The following KIF26B variants were observed in gnomAD, a reference collection of about 807,000 sequenced individuals.
KIF26B encodes the protein kinesin-like protein KIF26B.
Under a neutral mutation model 151.2 loss-of-function variants are expected in KIF26B, and 63 were observed. The observed-to-expected ratio is 0.42, with a 90% CI of 0.34 to 0.51. The LOEUF is 0.51. Among genes scored for constraint, KIF26B ranks in the 20% least tolerant of loss-of-function variants. The pLI is 0.07. For synonymous variants in KIF26B, 1,357 were observed against 1,262.1 expected (o/e 1.08, Z -1.59); for missense variants, 2,813 against 2,913.6 (o/e 0.97, Z 0.79).
Position 245,703,350 on chromosome 1 carries a change from C to T in KIF26B, c.*744C>T, listed in dbSNP as rs2044799000. The T allele has an allele frequency of 6.6e-6, 1 of 152,276 alleles. No individual in the cohort carries two copies. The highest frequency in any genetic ancestry group is 1.5e-5 in the Non-Finnish European group (1 of 68,052). The allele number at this position is 152,276 out of a possible 1,614,324, so 9.4% of individuals were successfully genotyped here. A position where few individuals can be genotyped will look rare whatever the true frequency, so the allele number is the denominator to read the frequency against. On this transcript the variant is annotated 3_prime_UTR_variant, in exon 15 of 15. Transcript: ENST00000407071. ...TTTGGAGCAGCAGGTGACCTCGATG[C>T]CACATCCCAACAAGCAGCGTGGTCA... is the stretch of plus-strand genomic sequence containing the variant.
intron 9 of KIF26B, among the ~76,000 whole-genome samples, chr1:245,624,356 C>T (rs533550877): frequency 3.7e-4 from 56 of 151,880 alleles, no homozygotes; most frequent in African/African-American, 1.4e-3. Flanking sequence ...AATTTCTCAG[C>T]TGTTTCCCAA....
chr1:245,693,401 T>C (rs1387704038), intron 12 of KIF26B, among the ~76,000 whole-genome samples: 1 of 152,196 alleles, frequency 6.6e-6, no homozygotes, highest in Admixed American at 6.5e-5. Context: ...TGCAGGTTAC[T>C]GTTGGATATT....
chr1:245,313,537 A>T (rs1208650757), intron 2 of KIF26B, among the ~76,000 whole-genome samples: 1 of 152,118 alleles, frequency 6.6e-6, no homozygotes, highest in Non-Finnish European at 1.5e-5. Context: ...AGGGGAGAAG[A>T]CCCGGAAATA....
At position 245,234,108 on chromosome 1, in the gene KIF26B, T is replaced by C. The variant is rs12040708; in HGVS notation, c.465+77425T>C. 9.2e-4 allele frequency among the ~76,000 whole-genome samples: 139 copies of C among 151,750 alleles called. 1 individual carries two copies. Among genetic ancestry groups the C allele is most frequent in the African/African-American group, 3.2e-3 (134 of 41,362 alleles). ...CTGAGGCAGGAGAATTGCTTGAACC[T>C]AGGAGGTGGAGGTTGCAGTGAGCCA... On this transcript the variant is annotated intron_variant, in intron 2 of 14. Transcript: ENST00000407071.
At chr1:245,418,160 C>T (rs532297767) in intron 3 of KIF26B, among the ~76,000 whole-genome samples, 5 of 152,264 alleles carry the variant, frequency 3.3e-5, no homozygotes, top group East Asian at 1.9e-4. Flanking sequence ...CCCTGTTCCG[C>T]GGGGACAATA....
At chr1:245,671,033 A>G (rs1558261738) in intron 10 of KIF26B, among the ~76,000 whole-genome samples, 1 of 151,792 alleles carries the variant, frequency 6.6e-6, no homozygotes, top group Non-Finnish European at 1.5e-5. Context: ...CCATCCTTCT[A>G]CTCTCTATGC....
At chr1:245,585,449 G>A (rs1232089640) in intron 5 of KIF26B, among the ~76,000 whole-genome samples, 1 of 152,002 alleles carries the variant, frequency 6.6e-6, no homozygotes, top group Non-Finnish European at 1.5e-5. Context: ...GCAGGACAGA[G>A]AAATGTCTGT....
chr1:245,408,766 A>G (rs1363309254), intron 3 of KIF26B, among the ~76,000 whole-genome samples: 1 of 152,162 alleles, frequency 6.6e-6, no homozygotes, highest in Non-Finnish European at 1.5e-5. Flanking sequence ...TGAGCTGCCC[A>G]ATATGAACTC....
intron 4 of KIF26B, among the ~76,000 whole-genome samples, chr1:245,538,589 T>C (rs1572112709): frequency 6.6e-6 from 1 of 152,080 alleles, no homozygotes; most frequent in Admixed American, 6.6e-5. Flanking sequence ...TACTGCCCGT[T>C]CTAAGCTGCC....
chr1:245,569,320 T>A (rs1443194978), intron 5 of KIF26B, among the ~76,000 whole-genome samples: 1 of 152,186 alleles, frequency 6.6e-6, no homozygotes, highest in Non-Finnish European at 1.5e-5. Context: ...GCTTTTTGAT[T>A]AGTCAAGAAG....
chr1:245,534,560 T>A (rs1443218840), intron 4 of KIF26B, among the ~76,000 whole-genome samples: 1 of 152,166 alleles, frequency 6.6e-6, no homozygotes, highest in Non-Finnish European at 1.5e-5. Flanking sequence ...ATGAAGCTAA[T>A]GGATGTTTAA....
Position 245,560,736 on chromosome 1 carries a change from T to A in KIF26B, c.1350+19786T>A, listed in dbSNP as rs1392181795. ...GTAAATCTCAAGTTGTTAAACCTGC[T>A]GTCAAATGAGCTGCCTCCACTGAAG... On this transcript the variant is annotated intron_variant, in intron 5 of 14. Coordinates refer to ENST00000407071, the MANE Select transcript of KIF26B (RefSeq NM_018012.4). This position sits in a 1 kb window ranked among gnomAD's most constrained non-coding sequence, Gnocchi z 4.3. Among the ~76,000 whole-genome samples the A allele has an allele frequency of 6.6e-6, 1 of 152,206 alleles. No individual in the cohort carries two copies. The highest frequency in any genetic ancestry group is 1.5e-5 in the Non-Finnish European group (1 of 68,034).
chr1:245,695,687 AT>A (rs1193012823), intron 12 of KIF26B, among the ~76,000 whole-genome samples: 59 of 152,342 alleles, frequency 3.9e-4, no homozygotes, highest in African/African-American at 1.3e-3. Flanking sequence ...AAGGAAGTAG[AT>A]ACCCGCCAGG....
At chr1:245,434,274 A>G (rs1658850640) in intron 4 of KIF26B, among the ~76,000 whole-genome samples, 1 of 152,224 alleles carries the variant, frequency 6.6e-6, no homozygotes, top group African/African-American at 2.4e-5. Flanking sequence ...AGCGATAAAA[A>G]TAATTGCTTT....
chr1:245,678,142 G>A (rs942657204), intron 10 of KIF26B, among the ~76,000 whole-genome samples: 1 of 152,170 alleles, frequency 6.6e-6, no homozygotes, highest in African/African-American at 2.4e-5. Context: ...CAGTGGTGAG[G>A]AGGATATTTG....
chr1:245,403,587 T>A (rs994027475), intron 3 of KIF26B, among the ~76,000 whole-genome samples: 1 of 151,530 alleles, frequency 6.6e-6, no homozygotes, highest in African/African-American at 2.4e-5. Context: ...TGCATGCGTG[T>A]GTGTGCATGG....
intron 2 of KIF26B, among the ~76,000 whole-genome samples, chr1:245,198,621 C>G (rs1484665311): frequency 6.6e-6 from 1 of 151,642 alleles, no homozygotes; most frequent in African/African-American, 2.4e-5. Context: ...AGTTGGGAGG[C>G]TGAGGCAGGA....
intron 2 of KIF26B, among the ~76,000 whole-genome samples, chr1:245,262,983 C>T (rs1670675415): frequency 6.6e-6 from 1 of 152,212 alleles, no homozygotes; most frequent in Admixed American, 6.5e-5. Context: ...ATACCTGGCA[C>T]ATAAGAAAAA....
At chr1:245,278,308 T>C (rs1670974096) in intron 2 of KIF26B, among the ~76,000 whole-genome samples, 2 of 152,198 alleles carry the variant, frequency 1.3e-5, no homozygotes, top group Non-Finnish European at 2.9e-5. Flanking sequence ...CATCTGGTAC[T>C]GTTGACTATT....
Sources: allele counts gnomAD v4.1 joint callset (sites outside exome capture counted in the v4.1 genomes callset), GRCh38; gene constraint gnomAD v4.1.1; non-coding constraint Gnocchi (gnomAD v3.1); transcripts MANE v1.5; gene names NCBI Gene and HGNC (gene_info 2026-07-23, HGNC 2026-07-21).